The following TSPEAR variants were observed in gnomAD, a reference collection of about 807,000 sequenced individuals.
TSPEAR encodes the protein thrombospondin-type laminin G domain and EAR repeat-containing protein.
TSPEAR carries 69 observed loss-of-function variants against 71.6 expected under a neutral mutation model. The observed-to-expected ratio is 0.96, with a 90% CI of 0.79 to 1.18. TSPEAR has a LOEUF of 1.18. Ranked by LOEUF, TSPEAR falls within the 50% of genes most tolerant of loss-of-function variation. TSPEAR has a pLI of 0.00. For synonymous variants in TSPEAR, 402 were observed against 387.2 expected, an observed-to-expected ratio of 1.04 and a Z score of -0.45; for missense variants, 971 against 894.9, an observed-to-expected ratio of 1.09 and a Z score of -1.09.
At chr21:44,549,369 C>G (rs1418850469) in intron 2 of TSPEAR, among the ~76,000 whole-genome samples, 1 of 152,210 alleles carries the variant, frequency 6.6e-6, no homozygotes. Flanking sequence ...CAAGAGGTAT[C>G]GTTTGTAATA....
chr21:44,635,342 T>C (rs1157298419), intron 1 of TSPEAR, among the ~76,000 whole-genome samples: 11 of 73,418 alleles, frequency 1.5e-4, no homozygotes, highest in Admixed American at 1.1e-3. Context: ...GGAGACTCTG[T>C]CTCAAAAAAA....
At chr21:44,637,500 A>C (rs114653592) in intron 1 of TSPEAR, 502,866 of 1,612,272 alleles carry the variant, frequency 0.31, 80,012 homozygotes, top group South Asian at 0.4. Flanking sequence ...AGCTGCTGCG[A>C]GCCCTGCTGC....
intron 5 of TSPEAR, among the ~76,000 whole-genome samples, chr21:44,529,174 G>A (rs369172758): frequency 3.3e-5 from 5 of 152,168 alleles, no homozygotes; most frequent in Admixed American, 6.5e-5. Context: ...TCGGGGGCTC[G>A]GCTGTTCTCC....
chr21:44,505,552 T>G (rs2052173228), intron 10 of TSPEAR, among the ~76,000 whole-genome samples: 1 of 14,364 alleles, frequency 7.0e-5, no homozygotes, highest in Non-Finnish European at 1.7e-4. Flanking sequence ...CCAGTAAACA[T>G]CACCCCCTCC....
chr21:44,599,171 T>TCTCTCTCTCTCTCC (rs1569210763), intron 1 of TSPEAR, among the ~76,000 whole-genome samples: 2 of 125,074 alleles, frequency 1.6e-5, no homozygotes, highest in Non-Finnish European at 3.3e-5. Flanking sequence ...TCTCTCTCTC[T>TCTCTCTCTCTCTCC]CCTTCCATCC....
chr21:44,536,217 C>T (rs1053802974), intron 2 of TSPEAR, among the ~76,000 whole-genome samples: 28 of 152,208 alleles, frequency 1.8e-4, no homozygotes, highest in African/African-American at 6.8e-4. Context: ...TGGGCTTCTC[C>T]CATCCTCAGG....
chr21:44,624,704 C>T (rs587727472), intron 1 of TSPEAR, among the ~76,000 whole-genome samples: 1 of 152,248 alleles, frequency 6.6e-6, no homozygotes, highest in South Asian at 2.1e-4. Context: ...ACCAGAATCC[C>T]TCCTCCTTGT....
At chr21:44,540,145 G>A (rs782487422) in intron 2 of TSPEAR, 80 of 1,612,600 alleles carry the variant, frequency 5.0e-5, no homozygotes, top group Non-Finnish European at 5.3e-5. Context: ...TGGTGGACGC[G>A]GCCATGCTGG....
chr21:44,566,487 A>G (rs2053705215), intron 2 of TSPEAR, among the ~76,000 whole-genome samples: 1 of 152,190 alleles, frequency 6.6e-6, no homozygotes, highest in Non-Finnish European at 1.5e-5. Context: ...TTCTCTGTAG[A>G]CATTCACAAG....
chr21:44,685,680 T>C (rs568206845), intron 1 of TSPEAR, among the ~76,000 whole-genome samples: 3 of 152,352 alleles, frequency 2.0e-5, no homozygotes, highest in Non-Finnish European at 2.9e-5. Flanking sequence ...ATCCATCTTC[T>C]CTGTCCCAGC....
chr21:44,677,103 T>C (rs1339525238), intron 1 of TSPEAR: 2 of 717,142 alleles, frequency 2.8e-6, no homozygotes, highest in African/African-American at 1.7e-5. Context: ...ATTGAGCTGC[T>C]TGGACCTTTT....
intron 11 of TSPEAR, among the ~76,000 whole-genome samples, chr21:44,502,379 C>T (rs2838574): frequency 0.043 from 6,616 of 152,258 alleles, 495 homozygotes; most frequent in African/African-American, 0.15. Flanking sequence ...GAGGTAATTA[C>T]ATTCCTAAGT....
intron 1 of TSPEAR, among the ~76,000 whole-genome samples, chr21:44,696,045 A>C (rs1402624013): frequency 1.3e-5 from 2 of 152,186 alleles, no homozygotes; most frequent in African/African-American, 4.8e-5. Context: ...TTCACTTCCC[A>C]TAAAGAAATC....
At chr21:44,535,286 C>CA (rs1373155604) in intron 2 of TSPEAR, among the ~76,000 whole-genome samples, 2 of 152,156 alleles carry the variant, frequency 1.3e-5, no homozygotes, top group Admixed American at 6.5e-5. Flanking sequence ...CGGTGTCCAC[C>CA]AAGACCTCAG....
chr21:44,541,368 T>C (rs1431889887), intron 2 of TSPEAR, among the ~76,000 whole-genome samples: 1 of 152,238 alleles, frequency 6.6e-6, no homozygotes, highest in African/African-American at 2.4e-5. Flanking sequence ...CAAGTTCTCC[T>C]TTCGTGTGTG....
intron 1 of TSPEAR, among the ~76,000 whole-genome samples, chr21:44,616,283 G>A (rs1158578074): frequency 2.0e-5 from 3 of 152,208 alleles, no homozygotes; most frequent in Admixed American, 6.5e-5. Flanking sequence ...CTCTCACGGT[G>A]CCCTTTTGTC....
chr21:44,640,336 C>A (rs1775097907), intron 1 of TSPEAR, among the ~76,000 whole-genome samples: 1 of 152,200 alleles, frequency 6.6e-6, no homozygotes, highest in Admixed American at 6.5e-5. Flanking sequence ...AGACTCAGAA[C>A]AGGCAAATCC....
At position 44,537,917 on chromosome 21, in the gene TSPEAR, G is replaced by A. The variant is rs781977077; in HGVS notation, c.304-3994C>T. Among the ~76,000 whole-genome samples the A allele has an allele frequency of 1.2e-4, 19 of 152,348 alleles. 1 individual carries two copies. The Middle Eastern group carries it at 0.01, about 82-fold the overall frequency. On this transcript the variant is annotated intron_variant, in intron 2 of 11. Transcript: ENST00000323084. Reference sequence around the variant, plus strand: ...GTGGGTTCCCAGCAGCCGTCAGTGCGGAGGGCAGGGAGCTGAGAGCAGATC... The same window carrying A: ...GTGGGTTCCCAGCAGCCGTCAGTGCAGAGGGCAGGGAGCTGAGAGCAGATC...
At chr21:44,540,216 G>C in intron 2 of TSPEAR, 1 of 1,579,000 alleles carries the variant, frequency 6.3e-7, no homozygotes, top group Non-Finnish European at 8.6e-7. Context: ...CAGTGTGTGT[G>C]TGAGTGACTG....
Sources: allele counts gnomAD v4.1 joint callset (sites outside exome capture counted in the v4.1 genomes callset), GRCh38; gene constraint gnomAD v4.1.1; transcripts MANE v1.5; gene names NCBI Gene and HGNC (gene_info 2026-07-23, HGNC 2026-07-21).